NAALADL2: variants seen among roughly 807,000 people sequenced by gnomAD.
NAALADL2 encodes the protein N-acetylated alpha-linked acidic dipeptidase like 2.
Under a neutral mutation model 87.2 loss-of-function variants are expected in NAALADL2, and 76 were observed. The observed-to-expected ratio is 0.87, with a 90% CI of 0.72 to 1.05. The LOEUF is 1.05. NAALADL2 is among the 50% of genes least tolerant of loss of function. The probability of loss-of-function intolerance (pLI) is 0.00; values close to 1 mark genes in which losing one functional copy is unlikely to be tolerated. For missense variants in NAALADL2, 1,089 were observed against 945.8 expected, an observed-to-expected ratio of 1.15 and a Z score of -1.99; for synonymous variants, 354 against 331.0, an observed-to-expected ratio of 1.07 and a Z score of -0.75.
At chr3:174,579,446 G>A (rs1439979328) in intron 2 of NAALADL2, among the ~76,000 whole-genome samples, 1 of 151,962 alleles carries the variant, frequency 6.6e-6, no homozygotes, top group East Asian at 1.9e-4. Context: ...AGGAAAAGAA[G>A]CTAGACTCCC....
intron 1 of NAALADL2, among the ~76,000 whole-genome samples, chr3:174,895,128 A>C (rs1445423276): frequency 6.6e-6 from 1 of 152,122 alleles, no homozygotes; most frequent in East Asian, 1.9e-4. Flanking sequence ...GAACTAGAAA[A>C]GGAAGAGCAA....
rs114895360 is a variant in NAALADL2 at position 175,631,734 on chromosome 3, C to T, written c.1896+4348C>T. ...ACTAAACCTAAACATGAATTAAATG[C>T]CAATGTAAATCCTAGGTGCTTAATC... On this transcript the variant is annotated intron_variant, in intron 11 of 13. Coordinates refer to ENST00000454872, the MANE Select transcript of NAALADL2 (RefSeq NM_207015.3). Among the ~76,000 whole-genome samples the T allele has an allele frequency of 7.0e-3, 1,069 of 151,972 alleles. 10 individuals carry two copies. The highest frequency in any genetic ancestry group is 0.024 in the African/African-American group (1,016 of 41,496).
intron 5 of NAALADL2, among the ~76,000 whole-genome samples, chr3:175,391,264 G>C (rs1769031007): frequency 6.6e-6 from 1 of 152,092 alleles, no homozygotes; most frequent in South Asian, 2.1e-4. Context: ...TTCTATACTA[G>C]AAGGCCACTA....
At chr3:175,534,773 C>G (rs893505744) in intron 9 of NAALADL2, among the ~76,000 whole-genome samples, 2 of 151,798 alleles carry the variant, frequency 1.3e-5, no homozygotes, top group African/African-American at 4.8e-5. Context: ...TGATCTTTCT[C>G]CATTTCTTTA....
At chr3:175,769,132 C>CT (rs1749138400) in intron 13 of NAALADL2, among the ~76,000 whole-genome samples, 2 of 152,098 alleles carry the variant, frequency 1.3e-5, no homozygotes, top group Admixed American at 1.3e-4. Context: ...TTTGATGTCA[C>CT]TTTTTCAAAA....
intron 2 of NAALADL2, among the ~76,000 whole-genome samples, chr3:174,568,549 A>C (rs771723560): frequency 6.6e-6 from 1 of 151,896 alleles, no homozygotes; most frequent in Non-Finnish European, 1.5e-5. Flanking sequence ...GTAAGAAGGC[A>C]ATGCATGATT....
At chr3:174,938,152 C>G (rs1331162573) in intron 1 of NAALADL2, among the ~76,000 whole-genome samples, 2 of 151,856 alleles carry the variant, frequency 1.3e-5, no homozygotes, top group Admixed American at 6.6e-5. Flanking sequence ...CAATAGTTAC[C>G]TTTTCTGCTC....
At position 175,018,074 on chromosome 3, in the gene NAALADL2, C is replaced by T. The variant is rs142699579; in HGVS notation, c.44-78716C>T. Among the ~76,000 whole-genome samples, 581 of 152,032 alleles carry T rather than the reference C, an allele frequency of 3.8e-3. 1 individual carries two copies. Among genetic ancestry groups the T allele is most frequent in the African/African-American group, 0.014 (563 of 41,480 alleles). On this transcript the variant is annotated intron_variant, in intron 1 of 13. Transcript: ENST00000454872. The stretch of plus-strand genomic sequence containing the variant: ...ATGCCACCTTTTGGATAAGAGGTCT[C>T]CATGTTTATATTCAAAATATCAATC...
In NAALADL2 at chr3:174,997,058, A is replaced by AT. The variant is rs200338062; in HGVS notation, c.44-99721dup. Among the ~76,000 whole-genome samples, 566 of 125,976 alleles carry AT rather than the reference A, an allele frequency of 4.5e-3. 4 individuals are homozygous for AT. Among genetic ancestry groups the AT allele is most frequent in the African/African-American group, 0.011 (333 of 31,548 alleles). The allele number at this position is 125,976 out of a possible 152,430, so 82.6% of individuals were successfully genotyped here. On this transcript the variant is annotated intron_variant, in intron 1 of 13. Transcript: ENST00000454872. ...TGTGTGTATGTGTATATATATATAT[A>AT]TTTTTTTTTTTAATCCACTCGTTGG...
chr3:174,867,264 A>G (rs1727273708), intron 1 of NAALADL2, among the ~76,000 whole-genome samples: 1 of 151,948 alleles, frequency 6.6e-6, no homozygotes, highest in African/African-American at 2.4e-5. Flanking sequence ...TCCAACAAAC[A>G]CACCAAGCTG....
intron 2 of NAALADL2, among the ~76,000 whole-genome samples, chr3:175,196,377 C>T (rs1370548148): frequency 6.6e-6 from 1 of 151,836 alleles, no homozygotes; most frequent in Non-Finnish European, 1.5e-5. Flanking sequence ...CTTTCATCCA[C>T]ATTAAAAACC....
intron 1 of NAALADL2, among the ~76,000 whole-genome samples, chr3:174,960,561 A>G (rs1366489364): frequency 6.6e-6 from 1 of 152,094 alleles, no homozygotes; most frequent in Admixed American, 6.6e-5. Flanking sequence ...AATTATAAGA[A>G]AATGTGCCAA....
intron 2 of NAALADL2, among the ~76,000 whole-genome samples, chr3:175,183,043 G>A (rs1736827411): frequency 1.1e-5 from 1 of 93,904 alleles, no homozygotes; most frequent in Admixed American, 1.2e-4. Flanking sequence ...GGTTCTATAT[G>A]AACTTTAAGA....
chr3:175,440,509 T>C (rs1368259978), intron 5 of NAALADL2, among the ~76,000 whole-genome samples: 1 of 152,184 alleles, frequency 6.6e-6, no homozygotes, highest in Non-Finnish European at 1.5e-5. Flanking sequence ...ATTCTACCCA[T>C]CCATGATCAT....
intron 9 of NAALADL2, among the ~76,000 whole-genome samples, chr3:175,570,620 C>T (rs1353535529): frequency 1.3e-5 from 2 of 152,074 alleles, no homozygotes; most frequent in Non-Finnish European, 2.9e-5. Flanking sequence ...GTGGCTTACA[C>T]CTGTAGTCCC....
chr3:175,471,260 C>T (rs1166587283), intron 8 of NAALADL2, among the ~76,000 whole-genome samples: 1 of 151,680 alleles, frequency 6.6e-6, no homozygotes, highest in Non-Finnish European at 1.5e-5. Context: ...CTGAGGCTGG[C>T]AGGTCACGAG....
chr3:174,877,366 G>A (rs898596600), intron 1 of NAALADL2, among the ~76,000 whole-genome samples: 9 of 152,024 alleles, frequency 5.9e-5, no homozygotes, highest in African/African-American at 1.7e-4. Context: ...TGATCCTTCC[G>A]TTATCTTTAA....
chr3:174,891,359 C>T (rs774424008), intron 1 of NAALADL2, among the ~76,000 whole-genome samples: 2 of 151,986 alleles, frequency 1.3e-5, no homozygotes, highest in Non-Finnish European at 2.9e-5. Flanking sequence ...CATGTGAGCA[C>T]TCACAGTACC....
chr3:174,447,416 T>C (rs1452647909), intron 1 of NAALADL2, among the ~76,000 whole-genome samples: 1 of 152,200 alleles, frequency 6.6e-6, no homozygotes, highest in Admixed American at 6.5e-5. Flanking sequence ...TTGTAAAACT[T>C]ATTGCTATAT....
Sources: gnomAD v4.1 joint callset for allele counts (sites outside exome capture counted in the v4.1 genomes callset) on GRCh38, gnomAD v4.1.1 for gene constraint, MANE v1.5 for transcripts, NCBI Gene and HGNC (gene_info 2026-07-23, HGNC 2026-07-21) for gene names.